The following LIPK variants were observed in gnomAD, a reference collection of about 807,000 sequenced individuals.
LIPK encodes the protein lipase member K.
A neutral mutation model predicts 48.6 loss-of-function variants in LIPK; 32 were observed. That is an observed-to-expected ratio of 0.66 (90% confidence interval 0.50 to 0.88). LIPK has a LOEUF of 0.88. Ranked by LOEUF, LIPK falls within the 40% of genes least tolerant of loss-of-function variation. The probability of loss-of-function intolerance (pLI) is 0.00; values close to 1 mark genes in which losing one functional copy is unlikely to be tolerated. For missense variants in LIPK, 507 were observed against 478.5 expected (o/e 1.06, Z -0.56); for synonymous variants, 164 against 157.4 (o/e 1.04, Z -0.32).
intron 1 of LIPK, among the ~76,000 whole-genome samples, chr10:88,709,788 A>G (rs992424913): frequency 6.6e-6 from 1 of 152,144 alleles, no homozygotes; most frequent in African/African-American, 2.4e-5. Context: ...AGCCATTTAT[A>G]CAGCCTAGAA....
At chr10:88,723,727 A>G (rs775057020) in intron 1 of LIPK, among the ~76,000 whole-genome samples, 10 of 152,230 alleles carry the variant, frequency 6.6e-5, no homozygotes, top group Middle Eastern at 3.4e-3. Flanking sequence ...ATAATCATCC[A>G]AATATTCACC....
chr10:88,737,974 T>C (rs534157776), intron 7 of LIPK, among the ~76,000 whole-genome samples, 193 bp downstream of exon 7: 3 of 152,330 alleles, frequency 2.0e-5, no homozygotes, highest in Admixed American at 2.0e-4. Flanking sequence ...AAGAAAGCTT[T>C]TCTGCCAACA....
At chr10:88,751,973 C>G (rs374430255) in intron 9 of LIPK, among the ~76,000 whole-genome samples, 1 of 152,068 alleles carries the variant, frequency 6.6e-6, no homozygotes, top group Non-Finnish European at 1.5e-5. Context: ...AAGAAAGAAG[C>G]GGTAAGGGAA....
chr10:88,744,513 G>T (rs183367799), intron 9 of LIPK, among the ~76,000 whole-genome samples: 39 of 152,328 alleles, frequency 2.6e-4, no homozygotes, highest in Middle Eastern at 6.8e-3. Context: ...CAGCCCAGGA[G>T]TGCTGAGCTG....
At chr10:88,708,778 A>G (rs968189013) in intron 1 of LIPK, among the ~76,000 whole-genome samples, 1 of 151,982 alleles carries the variant, frequency 6.6e-6, no homozygotes, top group African/African-American at 2.4e-5. Flanking sequence ...CATTCCAGTC[A>G]TTTCTACAGA....
chr10:88,723,682 T>G (rs770439876), intron 1 of LIPK, among the ~76,000 whole-genome samples: 2 of 152,118 alleles, frequency 1.3e-5, no homozygotes, highest in Non-Finnish European at 2.9e-5. Context: ...TATAGAAAAT[T>G]TAGAAAGTGT....
chr10:88,726,759 T>A (rs1327423907), intron 2 of LIPK, 36 bp from the exon 3 acceptor site: 1 of 965,562 alleles, frequency 1.0e-6, no homozygotes, highest in Admixed American at 2.1e-5. Flanking sequence ...TAAGAGATTA[T>A]AACATGAAGG....
chr10:88,732,949 A>T (rs1238766433), intron 6 of LIPK, among the ~76,000 whole-genome samples: 1 of 152,176 alleles, frequency 6.6e-6, no homozygotes, highest in African/African-American at 2.4e-5. Context: ...TATGATTTGC[A>T]AGCTGGGTAA....
At chr10:88,729,825 G>A (rs1442755939) in intron 3 of LIPK, among the ~76,000 whole-genome samples, 1 of 152,164 alleles carries the variant, frequency 6.6e-6, no homozygotes, top group Admixed American at 6.5e-5. Flanking sequence ...AGCCACTCTA[G>A]TTCCAAAAGT....
At chr10:88,716,881 T>C (rs557547220) in intron 1 of LIPK, among the ~76,000 whole-genome samples, 93 of 151,898 alleles carry the variant, frequency 6.1e-4, no homozygotes, top group African/African-American at 2.1e-3. Flanking sequence ...TTTTTTTTTC[T>C]CACCTAGGGA....
In LIPK at chr10:88,740,028, T is replaced by G; in HGVS notation, c.849T>G (p.Pro283=). 6.6e-7 allele frequency: 1 copy of G among 1,505,130 alleles called. No individual in the cohort carries two copies. Among genetic ancestry groups the G allele is most frequent in the Non-Finnish European group, 9.0e-7 (1 of 1,107,596 alleles). 93.2% of individuals were successfully genotyped at this position (1,505,130 alleles called of 1,614,324 possible). ...SRLDVYLSHN[P]AGTSVQNMLH... ...TGGATGTTTATTTGTCACACAATCC[T>G]GCGGGAACATCTGTTCAGAATATGC... is the stretch of plus-strand genomic sequence containing the variant. The change falls in exon 8 of 10, where the codon CCT becomes CCG. Residue 283 remains proline (P), a synonymous_variant. Transcript: ENST00000404190.
intron 8 of LIPK, among the ~76,000 whole-genome samples, chr10:88,740,839 T>C (rs1842667983): frequency 2.0e-5 from 3 of 152,132 alleles, no homozygotes; most frequent in South Asian, 2.1e-4. Flanking sequence ...TGCATTTTAA[T>C]ATATATCCTA....
intron 2 of LIPK, among the ~76,000 whole-genome samples, chr10:88,725,320 T>C (rs1208658433): frequency 1.3e-5 from 2 of 152,250 alleles, no homozygotes; most frequent in East Asian, 3.8e-4. Context: ...TACCAAACTG[T>C]TGAACTCACA....
intron 9 of LIPK, among the ~76,000 whole-genome samples, chr10:88,748,063 A>G (rs1842799944): frequency 1.3e-5 from 2 of 152,232 alleles, no homozygotes; most frequent in South Asian, 4.1e-4. Context: ...TGCACCATGG[A>G]ATACTATGCA....
At chr10:88,734,343 A>G (rs1842527157) in intron 6 of LIPK, among the ~76,000 whole-genome samples, 1 of 152,208 alleles carries the variant, frequency 6.6e-6, no homozygotes, top group Non-Finnish European at 1.5e-5. Flanking sequence ...AAACATGAGC[A>G]ACATTGAAGT....
chr10:88,751,762 T>C (rs537232060), intron 9 of LIPK, among the ~76,000 whole-genome samples: 1 of 152,162 alleles, frequency 6.6e-6, no homozygotes, highest in African/African-American at 2.4e-5. Context: ...TTAGTTCATA[T>C]AGTTTTTCCA....
chr10:88,750,500 C>G (rs1842845663), intron 9 of LIPK, among the ~76,000 whole-genome samples: 2 of 152,026 alleles, frequency 1.3e-5, no homozygotes, highest in Non-Finnish European at 2.9e-5. Flanking sequence ...TCCTTTGCAG[C>G]AATGTGGATG....
chr10:88,721,042 C>G (rs2134705069), intron 1 of LIPK, among the ~76,000 whole-genome samples: 1 of 152,044 alleles, frequency 6.6e-6, no homozygotes, highest in Non-Finnish European at 1.5e-5. Context: ...AGTCTAAAAT[C>G]CTTATATGCA....
intron 1 of LIPK, among the ~76,000 whole-genome samples, chr10:88,708,453 CAATA>C (rs1841973921): frequency 6.6e-6 from 1 of 151,822 alleles, no homozygotes; most frequent in Admixed American, 6.6e-5. Flanking sequence ...AGTTTAAAAA[CAATA>C]AAAATTTAAA....
Sources: gnomAD v4.1 joint callset for allele counts (sites outside exome capture counted in the v4.1 genomes callset) on GRCh38, gnomAD v4.1.1 for gene constraint, MANE v1.5 for transcripts, NCBI Gene and HGNC (gene_info 2026-07-23, HGNC 2026-07-21) for gene names.